Variants in GPCPD1 observed in about 807,000 individuals in gnomAD.
The protein encoded by GPCPD1 is glycerophosphocholine phosphodiesterase GPCPD1.
In GPCPD1, 29 loss-of-function variants were observed where a neutral mutation model predicts 89.2. The observed-to-expected ratio is 0.33, with a 90% CI of 0.24 to 0.44. GPCPD1 has a LOEUF of 0.44. GPCPD1 is among the 20% of genes least tolerant of loss of function. The probability of loss-of-function intolerance (pLI) is 1.00; values close to 1 mark genes in which losing one functional copy is unlikely to be tolerated. For synonymous variants in GPCPD1, 258 were observed against 266.3 expected (o/e 0.97, Z 0.30); for missense variants, 594 against 808.9 (o/e 0.73, Z 3.22).
intron 17 of GPCPD1, among the ~76,000 whole-genome samples, chr20:5,559,296 T>C (rs987464453): frequency 6.6e-6 from 1 of 152,246 alleles, no homozygotes; most frequent in African/African-American, 2.4e-5. Flanking sequence ...TGCGTTGCCT[T>C]TTCAGGCCAG....
intron 4 of GPCPD1, among the ~76,000 whole-genome samples, chr20:5,588,735 GA>G (rs1216883551): frequency 2.6e-5 from 4 of 152,004 alleles, no homozygotes; most frequent in South Asian, 2.1e-4. Flanking sequence ...CAAGGCAGGG[GA>G]ATCCCATGAA....
intron 5 of GPCPD1, 169 bp downstream of exon 5, chr20:5,586,025 A>G (rs1568667844): frequency 4.6e-6 from 2 of 437,444 alleles, no homozygotes. Flanking sequence ...AGAGGCAATT[A>G]AAAACTGTTG....
At chr20:5,568,503 T>C (rs989915759) in intron 12 of GPCPD1, among the ~76,000 whole-genome samples, 7 of 152,146 alleles carry the variant, frequency 4.6e-5, no homozygotes, top group African/African-American at 1.7e-4. Context: ...TAAAAGTTCA[T>C]TGCTTTCATT....
At chr20:5,603,903 T>C (rs1296160565) in intron 2 of GPCPD1, among the ~76,000 whole-genome samples, 3 of 151,994 alleles carry the variant, frequency 2.0e-5, no homozygotes, top group African/African-American at 7.3e-5. Flanking sequence ...CATGCCACCA[T>C]ATCCGGCTAA....
At chr20:5,570,302 A>G in intron 11 of GPCPD1, 63 bp from the exon 12 acceptor site, 1 of 788,392 alleles carries the variant, frequency 1.3e-6, no homozygotes, top group Non-Finnish European at 2.2e-6. Context: ...TCAAACTGCA[A>G]GAACGTAAGA....
chr20:5,577,276 C>T (rs971227439), intron 8 of GPCPD1, among the ~76,000 whole-genome samples: 2 of 151,652 alleles, frequency 1.3e-5, no homozygotes, highest in Non-Finnish European at 2.9e-5. Flanking sequence ...CTGCTTTGGC[C>T]TCCCAAAGTG....
rs564545681 is a variant in GPCPD1, at chr20:5,598,998, A to G, written c.50-177T>C. On this transcript the variant is annotated intron_variant, in intron 2 of 19. Transcript: ENST00000379019. The stretch of plus-strand genomic sequence containing the variant: ...ACCACTCACTAACACCTGCCAATTA[A>G]CTCGACTCACCTTTCTAGAACCAAA... 2.0e-5 allele frequency among the ~76,000 whole-genome samples: 3 copies of G among 152,062 alleles called. No homozygotes were observed. In the East Asian group the frequency reaches 5.8e-4, roughly 29 times the overall value.
chr20:5,571,548 T>C (rs1421494553), intron 11 of GPCPD1, among the ~76,000 whole-genome samples: 1 of 152,194 alleles, frequency 6.6e-6, no homozygotes, highest in Non-Finnish European at 1.5e-5. Flanking sequence ...CCCTGTGAGT[T>C]ATAAAGGATT....
chr20:5,564,766 AG>A (rs1259822990), intron 15 of GPCPD1, among the ~76,000 whole-genome samples: 2 of 152,134 alleles, frequency 1.3e-5, no homozygotes, highest in African/African-American at 4.8e-5. Flanking sequence ...GCTTGAGCCA[AG>A]GAAGTTGAGG....
At chr20:5,582,820 T>C (rs1978636584) in intron 6 of GPCPD1, among the ~76,000 whole-genome samples, 1 of 148,766 alleles carries the variant, frequency 6.7e-6, no homozygotes, top group Non-Finnish European at 1.5e-5. Flanking sequence ...ACCCAGCAGG[T>C]GGAGGCTGCA....
intron 12 of GPCPD1, among the ~76,000 whole-genome samples, 187 bp downstream of exon 12, chr20:5,569,960 G>A (rs567261037): frequency 2.0e-5 from 3 of 152,208 alleles, no homozygotes; most frequent in African/African-American, 4.8e-5. Flanking sequence ...CTCTAGGAAG[G>A]CAGTATTCCC....
chr20:5,571,841 G>A (rs1986741018), intron 11 of GPCPD1, among the ~76,000 whole-genome samples: 1 of 151,984 alleles, frequency 6.6e-6, no homozygotes, highest in Admixed American at 6.6e-5. Context: ...CCTAGGAGGT[G>A]GAGGTTGCAG....
intron 4 of GPCPD1, among the ~76,000 whole-genome samples, 156 bp from the exon 5 acceptor site, chr20:5,586,425 C>T (rs1166931641): frequency 6.6e-6 from 1 of 152,024 alleles, no homozygotes; most frequent in African/African-American, 2.4e-5. Flanking sequence ...TGGAATGTAC[C>T]AGATCACAAA....
intron 16 of GPCPD1, among the ~76,000 whole-genome samples, chr20:5,560,683 A>G (rs2082294820): frequency 6.6e-6 from 1 of 152,230 alleles, no homozygotes; most frequent in African/African-American, 2.4e-5. Flanking sequence ...AGAATTCACT[A>G]CATTAATGAG....
chr20:5,599,141 A>G (rs1221893964), intron 2 of GPCPD1, among the ~76,000 whole-genome samples: 1 of 152,234 alleles, frequency 6.6e-6, no homozygotes, highest in East Asian at 1.9e-4. Flanking sequence ...CTCTGCTTTC[A>G]AGACAGCTTC....
At chr20:5,602,709 C>G (rs1980247972) in intron 2 of GPCPD1, among the ~76,000 whole-genome samples, 1 of 152,012 alleles carries the variant, frequency 6.6e-6, no homozygotes, top group South Asian at 2.1e-4. Context: ...CAGGCACGGT[C>G]TGTAATCTCA....
In GPCPD1 at chr20:5,564,619, G is replaced by A. The variant is rs141205671; in HGVS notation, c.1329+398C>T. On this transcript the variant is annotated intron_variant, in intron 15 of 19. Coordinates refer to ENST00000379019, the MANE Select transcript of GPCPD1 (RefSeq NM_019593.5). ...GAGGCTGGGGGACAGCGTAAGTCCA[G>A]AGGTTTGAATTCCCTTGAGACCAGC... Among the ~76,000 whole-genome samples the A allele has an allele frequency of 5.1e-3, 771 of 152,268 alleles. 8 individuals carry two copies. The highest frequency in any genetic ancestry group is 0.017 in the African/African-American group (726 of 41,558).
At chr20:5,566,903 G>A in intron 13 of GPCPD1, 131 bp from the exon 14 acceptor site, 1 of 650,112 alleles carries the variant, frequency 1.5e-6, no homozygotes. Context: ...AGTTTAATAA[G>A]AATAAGCACT....
At chr20:5,565,185 T>C (rs948956772) in intron 14 of GPCPD1, 107 bp from the exon 15 acceptor site, 2 of 700,702 alleles carry the variant, frequency 2.9e-6, no homozygotes, top group African/African-American at 3.6e-5. Flanking sequence ...AGAGAGAGTG[T>C]GTGTGTGAGC....
Sources: allele counts gnomAD v4.1 joint callset (sites outside exome capture counted in the v4.1 genomes callset), GRCh38; gene constraint gnomAD v4.1.1; transcripts MANE v1.5; gene names NCBI Gene and HGNC (gene_info 2026-07-23, HGNC 2026-07-21).